Variants in KIF6 observed in about 807,000 individuals in gnomAD.
KIF6 encodes kinesin-like protein KIF6.
KIF6 carries 106 observed loss-of-function variants against 112.7 expected under a neutral mutation model. The observed-to-expected ratio is 0.94, with a 90% CI of 0.80 to 1.11. The LOEUF is 1.11. Among genes scored for constraint, KIF6 ranks in the 50% least tolerant of loss-of-function variants. KIF6 has a pLI of 0.00. For synonymous variants in KIF6, 339 were observed against 339.9 expected, an observed-to-expected ratio of 1.00 and a Z score of 0.03; for missense variants, 929 against 964.0, an observed-to-expected ratio of 0.96 and a Z score of 0.48.
At chr6:39,533,351 G>A (rs2150548326) in intron 13 of KIF6, among the ~76,000 whole-genome samples, 1 of 152,342 alleles carries the variant, frequency 6.6e-6, no homozygotes, top group African/African-American at 2.4e-5. Flanking sequence ...GGTGCACCAG[G>A]AGATTATATC....
Position 39,349,631 on chromosome 6 carries a change from C to CTTTTTTTTTTTTTTTTTTTTTTT in KIF6, c.2181-3128_2181-3106dup, listed in dbSNP as rs58810898. The stretch of plus-strand genomic sequence containing the variant: ...GAAGGTCTAGGTTTAATTTGTGGCT[C>CTTTTTTTTTTTTTTTTTTTTTTT]TTTTTTTTTTTTTTTTTTTTTTTTT... On this transcript the variant is annotated intron_variant, in intron 19 of 22. Transcript: ENST00000287152. 1.4e-4 allele frequency among the ~76,000 whole-genome samples: 9 copies of CTTTTTTTTTTTTTTTTTTTTTTT among 64,562 alleles called. 1 individual carries two copies. The highest frequency in any genetic ancestry group is 2.6e-4 in the African/African-American group (4 of 15,498). The allele number at this position is 64,562 out of a possible 152,430, so 42.4% of individuals were successfully genotyped here.
At chr6:39,619,129 A>G (rs1220661914) in intron 5 of KIF6, among the ~76,000 whole-genome samples, 1 of 152,238 alleles carries the variant, frequency 6.6e-6, no homozygotes, top group East Asian at 1.9e-4. Context: ...CTTTTATAAA[A>G]GTGAAAACAC....
At chr6:39,612,557 A>G (rs1783273150) in intron 6 of KIF6, among the ~76,000 whole-genome samples, 1 of 152,208 alleles carries the variant, frequency 6.6e-6, no homozygotes, top group Non-Finnish European at 1.5e-5. Context: ...TTAAATTTGA[A>G]TGTCAGATTA....
chr6:39,575,233 G>A (rs1417419226), intron 10 of KIF6, among the ~76,000 whole-genome samples: 2 of 151,918 alleles, frequency 1.3e-5, no homozygotes, highest in Non-Finnish European at 2.9e-5. Flanking sequence ...CTGGGATGAG[G>A]GGCTGAAGCA....
At chr6:39,538,668 A>T (rs1582084704) in intron 13 of KIF6, among the ~76,000 whole-genome samples, 1 of 149,366 alleles carries the variant, frequency 6.7e-6, no homozygotes, top group East Asian at 2.0e-4. Context: ...GCCATTCCTC[A>T]GGGATCTAGA....
At chr6:39,360,188 C>T (rs1765017466) in intron 18 of KIF6, among the ~76,000 whole-genome samples, 1 of 152,200 alleles carries the variant, frequency 6.6e-6, no homozygotes, top group African/African-American at 2.4e-5. Context: ...TTCCATTAAT[C>T]AGGCAGAATT....
intron 8 of KIF6, among the ~76,000 whole-genome samples, chr6:39,586,021 G>C (rs1197686028): frequency 6.6e-6 from 1 of 152,178 alleles, no homozygotes; most frequent in Non-Finnish European, 1.5e-5. Flanking sequence ...TGTGTATGAG[G>C]CTTCTTCAAA....
At chr6:39,550,508 G>A (rs781522673) in intron 10 of KIF6, among the ~76,000 whole-genome samples, 1 of 152,188 alleles carries the variant, frequency 6.6e-6, no homozygotes, top group South Asian at 2.1e-4. Flanking sequence ...GGGATGCAAA[G>A]CAATGGGACT....
Position 39,721,929 on chromosome 6 carries a change from C to T in KIF6, c.67-1118G>A, listed in dbSNP as rs1790245010. On this transcript the variant is annotated intron_variant, in intron 1 of 22. Coordinates refer to ENST00000287152, the MANE Select transcript of KIF6 (RefSeq NM_145027.6). Reference sequence around the variant, plus strand: ...TTGGTTATGAGGAAAAAGTCATATTCCTAAGCAAGTAAAAGCCTACCTAAA... The same window carrying T: ...TTGGTTATGAGGAAAAAGTCATATTTCTAAGCAAGTAAAAGCCTACCTAAA... Among the ~76,000 whole-genome samples, 3 of 151,192 alleles carry T rather than the reference C, an allele frequency of 2.0e-5. No homozygotes were observed. In the South Asian group the frequency reaches 6.3e-4, roughly 32 times the overall value.
At chr6:39,397,158 C>T (rs541453217) in intron 15 of KIF6, among the ~76,000 whole-genome samples, 120 of 152,152 alleles carry the variant, frequency 7.9e-4, no homozygotes, top group Non-Finnish European at 1.5e-3. Context: ...TTTACTAAAC[C>T]TTCTCCCTTC....
intron 5 of KIF6, among the ~76,000 whole-genome samples, chr6:39,623,037 T>C (rs1431851014): frequency 1.3e-5 from 2 of 152,206 alleles, no homozygotes; most frequent in Non-Finnish European, 2.9e-5. Flanking sequence ...TTACCTGCAG[T>C]TGTTAATTTA....
chr6:39,490,134 A>G (rs981524384), intron 13 of KIF6, among the ~76,000 whole-genome samples: 1 of 152,204 alleles, frequency 6.6e-6, no homozygotes, highest in African/African-American at 2.4e-5. Flanking sequence ...GCTGGGAGAG[A>G]GAGGAGACAA....
At chr6:39,522,933 C>G (rs1158462629) in intron 13 of KIF6, among the ~76,000 whole-genome samples, 1 of 152,196 alleles carries the variant, frequency 6.6e-6, no homozygotes, top group Non-Finnish European at 1.5e-5. Flanking sequence ...CTTGGACCCC[C>G]TTATCTGCTC....
At chr6:39,508,109 T>C (rs546210832) in intron 13 of KIF6, among the ~76,000 whole-genome samples, 2 of 151,456 alleles carry the variant, frequency 1.3e-5, no homozygotes, top group Middle Eastern at 3.4e-3. Context: ...AAAACCCTCA[T>C]AGTTCTAATA....
Position 39,343,664 on chromosome 6 carries a change from G to T in KIF6, c.2428+45C>A. On this transcript the variant is annotated intron_variant, in intron 22 of 22. Coordinates refer to ENST00000287152, the MANE Select transcript of KIF6 (RefSeq NM_145027.6). This position sits in a 1 kb window ranked among gnomAD's most constrained non-coding sequence, Gnocchi z 4.1. ...TCACTGTGTGCTCCCCACAAGTGTT[G>T]GTGACCTGCTGCCCAGGAGGAGCCA... 2 of 1,441,892 alleles carry T rather than the reference G, an allele frequency of 1.4e-6. No homozygotes were observed. Among genetic ancestry groups the T allele is most frequent in the South Asian group, 1.3e-5 (1 of 78,902 alleles). 89.3% of individuals were successfully genotyped at this position (1,441,892 alleles called of 1,614,324 possible).
intron 3 of KIF6, among the ~76,000 whole-genome samples, chr6:39,654,667 A>G (rs537699992): frequency 1.8e-4 from 27 of 152,154 alleles, no homozygotes; most frequent in South Asian, 1.7e-3. Context: ...TCATCCTCCA[A>G]CTTTCACCAT....
intron 3 of KIF6, among the ~76,000 whole-genome samples, chr6:39,703,734 C>T (rs1011927412): frequency 2.0e-5 from 3 of 152,098 alleles, no homozygotes; most frequent in Admixed American, 1.3e-4. Flanking sequence ...TGATAAAGCA[C>T]GAGATAAATT....
intron 19 of KIF6, among the ~76,000 whole-genome samples, chr6:39,350,255 A>G (rs1764132693): frequency 6.6e-6 from 1 of 152,120 alleles, no homozygotes; most frequent in African/African-American, 2.4e-5. Flanking sequence ...CCTTGTACAA[A>G]ATATTACAAA....
chr6:39,665,670 C>T (rs1189473631), intron 3 of KIF6, among the ~76,000 whole-genome samples: 7 of 151,994 alleles, frequency 4.6e-5, no homozygotes, highest in African/African-American at 1.7e-4. Context: ...CCAACTTTCA[C>T]GATCATTAAT....
Sources: gnomAD v4.1 joint callset for allele counts (sites outside exome capture counted in the v4.1 genomes callset) on GRCh38, gnomAD v4.1.1 for gene constraint, Gnocchi (gnomAD v3.1) non-coding constraint, MANE v1.5 for transcripts, NCBI Gene and HGNC (gene_info 2026-07-23, HGNC 2026-07-21) for gene names.